Variants in LARGE1 observed in about 807,000 individuals in gnomAD.
The protein encoded by LARGE1 is xylosyl- and glucuronyltransferase LARGE1.
Under a neutral mutation model 87.6 loss-of-function variants are expected in LARGE1, and 43 were observed. That is an observed-to-expected ratio of 0.49 (90% CI 0.38 to 0.63). LARGE1 has a LOEUF of 0.63. LARGE1 is among the 30% of genes least tolerant of loss of function. The pLI is 0.00. For missense variants in LARGE1, 802 were observed against 1,000.2 expected (o/e 0.80, Z 2.67); for synonymous variants, 434 against 394.6 (o/e 1.10, Z -1.18).
chr22:33,868,640 C>T (rs1425705680), intron 1 of LARGE1, among the ~76,000 whole-genome samples: 1 of 152,190 alleles, frequency 6.6e-6, no homozygotes, highest in African/African-American at 2.4e-5. Context: ...CCTAACCAGG[C>T]AGATTCCTCC....
chr22:33,209,145 A>C (rs1425406126), intron 11 of LARGE1, among the ~76,000 whole-genome samples: 1 of 152,246 alleles, frequency 6.6e-6, no homozygotes, highest in African/African-American at 2.4e-5. Context: ...AGGAATCACC[A>C]CACTGTCTTC....
chr22:33,143,178 A>G, the LARGE1 span, among the ~76,000 whole-genome samples: 2 of 152,164 alleles, frequency 1.3e-5, no homozygotes, highest in African/African-American at 4.8e-5. Flanking sequence ...AGCCAAAACA[A>G]AGTTGATTGG....
chr22:33,754,480 C>T (rs377184050), intron 2 of LARGE1, among the ~76,000 whole-genome samples: 5 of 152,002 alleles, frequency 3.3e-5, no homozygotes, highest in South Asian at 2.1e-4. Context: ...GGACTACAGG[C>T]GCCCACCACC....
At chr22:33,161,728 C>G (rs5754481), downstream of LARGE1, among the ~76,000 whole-genome samples, 64,159 of 152,078 alleles carry the variant, frequency 0.42, 13,969 homozygotes, top group South Asian at 0.68. Flanking sequence ...TTGGGCAGCT[C>G]TGCCCCTATG....
At chr22:33,472,619 C>A (rs1481849320) in intron 6 of LARGE1, among the ~76,000 whole-genome samples, 1 of 152,134 alleles carries the variant, frequency 6.6e-6, no homozygotes, top group Non-Finnish European at 1.5e-5. Flanking sequence ...TCCCTTGCCT[C>A]TCATGACTTT....
intron 12 of LARGE1, among the ~76,000 whole-genome samples, chr22:33,285,868 T>C (rs1004663787): frequency 3.9e-5 from 6 of 152,120 alleles, no homozygotes; most frequent in African/African-American, 1.4e-4. Context: ...AGGGGGAACC[T>C]GGATCAGGTC....
chr22:33,359,189 T>C (rs957650970), intron 9 of LARGE1, among the ~76,000 whole-genome samples: 5 of 152,102 alleles, frequency 3.3e-5, no homozygotes, highest in African/African-American at 1.2e-4. Flanking sequence ...CATGTTTTCA[T>C]TGGAAAATAT....
chr22:33,650,768 G>A, intron 2 of LARGE1, 100 bp from the exon 3 acceptor site: 1 of 1,319,886 alleles, frequency 7.6e-7, no homozygotes, highest in Non-Finnish European at 1.1e-6. Context: ...GAGGCTCCTT[G>A]CACAATCCCA....
the LARGE1 span, among the ~76,000 whole-genome samples, chr22:33,104,092 G>T: frequency 5.9e-5 from 9 of 152,118 alleles, no homozygotes; most frequent in Non-Finnish European, 1.2e-4. Context: ...ATACAGAAAT[G>T]GATTTTTTTC....
At chr22:33,231,473 G>T (rs191941827) in intron 11 of LARGE1, among the ~76,000 whole-genome samples, 3 of 152,322 alleles carry the variant, frequency 2.0e-5, no homozygotes, top group Admixed American at 2.0e-4. Flanking sequence ...AAATTGAAAT[G>T]TGTTTGATAC....
chr22:33,289,226 G>A (rs1035649281), intron 12 of LARGE1, among the ~76,000 whole-genome samples: 18 of 152,126 alleles, frequency 1.2e-4, no homozygotes, highest in African/African-American at 3.4e-4. Context: ...CCAAAGTGCT[G>A]GAATTACAGG....
chr22:33,220,703 G>A (rs1925417832), intron 11 of LARGE1, among the ~76,000 whole-genome samples: 1 of 152,176 alleles, frequency 6.6e-6, no homozygotes, highest in Admixed American at 6.5e-5. Context: ...ATTGACTACT[G>A]GGAGTCTGGT....
At chr22:33,388,097 C>T (rs910902380) in intron 7 of LARGE1, among the ~76,000 whole-genome samples, 4 of 152,148 alleles carry the variant, frequency 2.6e-5, no homozygotes, top group Non-Finnish European at 4.4e-5. Flanking sequence ...TGCCTTTTCA[C>T]CCACTGTTAT....
intron 6 of LARGE1, among the ~76,000 whole-genome samples, chr22:33,473,168 C>CT (rs993859600): frequency 1.5e-3 from 224 of 145,110 alleles, no homozygotes; most frequent in East Asian, 8.4e-3. Flanking sequence ...TCATATCTCT[C>CT]TTTTTTTTTT....
In LARGE1 at chr22:33,508,455, T is replaced by C. The variant is rs567310212; in HGVS notation, c.787+56393A>G. Reference sequence around the variant, plus strand: ...TTTCTTAAAAGGGTTTTCTAAAACCTACATTTGGTAACTCAACACTAAAGT... The same window carrying C: ...TTTCTTAAAAGGGTTTTCTAAAACCCACATTTGGTAACTCAACACTAAAGT... On this transcript the variant is annotated intron_variant, in intron 6 of 14. Coordinates refer to ENST00000397394, the MANE Select transcript of LARGE1 (RefSeq NM_133642.5). Among the ~76,000 whole-genome samples, 38 of 152,352 alleles carry C rather than the reference T, an allele frequency of 2.5e-4. 2 individuals are homozygous for C. The highest frequency in any genetic ancestry group is 2.5e-3 in the South Asian group (12 of 4,828).
chr22:33,477,708 T>C (rs904605755), intron 6 of LARGE1, among the ~76,000 whole-genome samples: 3 of 152,308 alleles, frequency 2.0e-5, no homozygotes, highest in East Asian at 1.9e-4. Context: ...AGAACCAGTA[T>C]GGCTATGACC....
chr22:33,413,101 T>C (rs974876954), intron 7 of LARGE1, among the ~76,000 whole-genome samples: 1 of 152,142 alleles, frequency 6.6e-6, no homozygotes, highest in African/African-American at 2.4e-5. Flanking sequence ...TTATAACAAA[T>C]GTGAATATGA....
intron 1 of LARGE1, among the ~76,000 whole-genome samples, chr22:33,878,617 AG>A (rs966637058): frequency 3.3e-5 from 5 of 152,188 alleles, no homozygotes; most frequent in African/African-American, 1.2e-4. Context: ...GATGTGCCTG[AG>A]GTCAAGCGGC....
intron 2 of LARGE1, among the ~76,000 whole-genome samples, chr22:33,655,824 C>T (rs1256338106): frequency 2.0e-5 from 3 of 152,104 alleles, no homozygotes; most frequent in Non-Finnish European, 2.9e-5. Context: ...TCATAAACTA[C>T]TAGTTATTTA....
Sources: gnomAD v4.1 joint callset for allele counts (sites outside exome capture counted in the v4.1 genomes callset) on GRCh38, gnomAD v4.1.1 for gene constraint, MANE v1.5 for transcripts, NCBI Gene and HGNC (gene_info 2026-07-23, HGNC 2026-07-21) for gene names.